The following SNED1 variants were observed in gnomAD, a reference collection of about 807,000 sequenced individuals.
SNED1 encodes the protein sushi, nidogen and EGF-like domain-containing protein 1.
Under a neutral mutation model 166.7 loss-of-function variants are expected in SNED1, and 81 were observed. The ratio of observed to expected loss-of-function variants is 0.49; its 90% CI spans 0.41 to 0.58. The LOEUF is 0.58. Ranked by LOEUF, SNED1 falls within the 20% of genes least tolerant of loss-of-function variation. The probability of loss-of-function intolerance (pLI) is 0.00; values close to 1 mark genes in which losing one functional copy is unlikely to be tolerated. For synonymous variants in SNED1, 762 were observed against 822.0 expected, an observed-to-expected ratio of 0.93 and a Z score of 1.25; for missense variants, 1,604 against 2,000.2, an observed-to-expected ratio of 0.80 and a Z score of 3.78.
intron 8 of SNED1, among the ~76,000 whole-genome samples, chr2:241,042,595 A>G (rs1028177804): frequency 3.3e-5 from 5 of 152,262 alleles, no homozygotes; most frequent in African/African-American, 1.2e-4. Context: ...ATTAGCAGAT[A>G]CAAATGTTTA....
At chr2:241,011,967 CTG>C (rs947416483) in intron 1 of SNED1, among the ~76,000 whole-genome samples, 1 of 152,214 alleles carries the variant, frequency 6.6e-6, no homozygotes, top group Admixed American at 6.5e-5. Flanking sequence ...CAGCAGCTCT[CTG>C]GGGTGGGGAG....
intron 27 of SNED1, among the ~76,000 whole-genome samples, chr2:241,080,477 C>A (rs2063278158): frequency 6.6e-6 from 1 of 152,134 alleles, no homozygotes; most frequent in African/African-American, 2.4e-5. Flanking sequence ...AGATCTCGTT[C>A]TCACCAAGAA....
At chr2:241,009,480 C>G (rs1238675215) in intron 1 of SNED1, among the ~76,000 whole-genome samples, 2 of 152,040 alleles carry the variant, frequency 1.3e-5, no homozygotes, top group African/African-American at 4.8e-5. Context: ...GCTGTCAACA[C>G]AAGGAAGCAG....
intron 1 of SNED1, among the ~76,000 whole-genome samples, chr2:241,003,698 C>T: frequency 6.6e-6 from 1 of 152,202 alleles, no homozygotes; most frequent in East Asian, 1.9e-4. Context: ...TGCTGGGCCC[C>T]ATAAGGAAAG....
chr2:241,040,749 C>CTGGGT, intron 8 of SNED1: 1 of 474,446 alleles, frequency 2.1e-6, no homozygotes, highest in Non-Finnish European at 4.2e-6. Flanking sequence ...CTCTTCCAGC[C>CTGGGT]TGGGTGACTC....
In SNED1 at chr2:241,018,416, A is replaced by G. The variant is rs1224835431; in HGVS notation, c.214-11868A>G. 1.3e-5 allele frequency among the ~76,000 whole-genome samples: 2 copies of G among 152,168 alleles called. No homozygotes were observed. The highest frequency in any genetic ancestry group is 4.8e-5 in the African/African-American group (2 of 41,432). On this transcript the variant is annotated intron_variant, in intron 1 of 31. Transcript: ENST00000310397. The surrounding 1 kb of genome is among the most constrained non-coding windows in gnomAD (Gnocchi z 5.4). ...AGCAGTAGCCTGACTCAGGCAGGCC[A>G]TGAGGCACCTTGCCAGGTGCTGGAT...
chr2:241,012,831 T>G (rs554791230), intron 1 of SNED1, among the ~76,000 whole-genome samples: 25 of 151,580 alleles, frequency 1.6e-4, no homozygotes, highest in Admixed American at 1.2e-3. Flanking sequence ...TTTTCTTTTT[T>G]TTTTTTTTTT....
chr2:241,089,284 T>C (rs1039801583), intron 31 of SNED1: 2 of 1,548,238 alleles, frequency 1.3e-6, no homozygotes, highest in Non-Finnish European at 1.7e-6. Flanking sequence ...GCCCTCACAG[T>C]TCATCTTCCT....
chr2:241,092,254 G>A lies in SNED1; in HGVS notation c.*618G>A, dbSNP rs889509741. 6.6e-6 allele frequency: 1 copy of A among 152,232 alleles called. No individual in the cohort carries two copies. Among genetic ancestry groups the A allele is most frequent in the African/African-American group, 2.4e-5 (1 of 41,444 alleles). 9.4% of individuals were successfully genotyped at this position (152,232 alleles called of 1,614,324 possible). On this transcript the variant is annotated 3_prime_UTR_variant, in exon 32 of 32. Coordinates refer to ENST00000310397, the MANE Select transcript of SNED1 (RefSeq NM_001080437.3). The surrounding 1 kb of genome is among the most constrained non-coding windows in gnomAD (Gnocchi z 4.6). ...ATGGACTAGTTAACACTAAGGTGGAGTTCAGACTTTTTTAGACAACGGCGC... is the reference window on the plus strand; with the variant it reads ...ATGGACTAGTTAACACTAAGGTGGAATTCAGACTTTTTTAGACAACGGCGC...
intron 8 of SNED1, among the ~76,000 whole-genome samples, chr2:241,047,879 G>C (rs752912957): frequency 3.3e-5 from 5 of 151,854 alleles, no homozygotes; most frequent in South Asian, 2.1e-4. Context: ...GGTGCTTCTT[G>C]TTCTGTCCAA....
chr2:241,051,646 C>A lies in SNED1; in HGVS notation c.1736-98C>A. On this transcript the variant is annotated intron_variant, in intron 12 of 31. Coordinates refer to ENST00000310397, the MANE Select transcript of SNED1 (RefSeq NM_001080437.3). The surrounding 1 kb of genome is among the most constrained non-coding windows in gnomAD (Gnocchi z 4.7). Reference sequence around the variant, plus strand: ...CCAGGGCTTCGTCGAGAAGGCCCCACCAGCACCAGAGGACTGAGGAGATGC... The same window carrying A: ...CCAGGGCTTCGTCGAGAAGGCCCCAACAGCACCAGAGGACTGAGGAGATGC... The A allele has an allele frequency of 1.0e-6, 1 of 993,608 alleles. No individual in the cohort carries two copies. The highest frequency in any genetic ancestry group is 1.4e-6 in the Non-Finnish European group (1 of 706,278). The allele number at this position is 993,608 out of a possible 1,614,324, so 61.5% of individuals were successfully genotyped here. A position where few individuals can be genotyped will look rare whatever the true frequency, so the allele number is the denominator to read the frequency against.
intron 27 of SNED1, among the ~76,000 whole-genome samples, chr2:241,078,382 C>CA (rs60965517): frequency 0.033 from 3,829 of 116,112 alleles, 224 homozygotes; most frequent in African/African-American, 0.12. Flanking sequence ...GACTCCGTCT[C>CA]AAAAAAAAAA....
At chr2:241,016,342 C>T (rs2060590963) in intron 1 of SNED1, among the ~76,000 whole-genome samples, 1 of 151,848 alleles carries the variant, frequency 6.6e-6, no homozygotes, top group South Asian at 2.1e-4. Flanking sequence ...ACCACAGGCA[C>T]CCACCACCTT....
intron 11 of SNED1, 52 bp from the exon 12 acceptor site, chr2:241,049,765 C>T (rs2061772180): frequency 6.9e-7 from 1 of 1,444,084 alleles, no homozygotes; most frequent in South Asian, 1.1e-5. Context: ...CTCTTGCCGC[C>T]CGCACAGATG....
chr2:241,069,072 A>C lies in SNED1; in HGVS notation c.3307+49A>C. 1 of 1,324,384 alleles carries C rather than the reference A, an allele frequency of 7.6e-7. No individual in the cohort carries two copies. The highest frequency in any genetic ancestry group is 1.0e-6 in the Non-Finnish European group (1 of 955,778). 82.0% of individuals were successfully genotyped at this position (1,324,384 alleles called of 1,614,324 possible). A position where few individuals can be genotyped will look rare whatever the true frequency, so the allele number is the denominator to read the frequency against. ...GGCACACGAAAGGCCGTCTTCTAGA[A>C]GCTCTGGCTTCCTTCCAGCCTCCCC... On this transcript the variant is annotated intron_variant, in intron 23 of 31. Coordinates refer to ENST00000310397, the MANE Select transcript of SNED1 (RefSeq NM_001080437.3). This position sits in a 1 kb window ranked among gnomAD's most constrained non-coding sequence, Gnocchi z 4.9.
At chr2:241,065,017 G>A (rs937356086) in intron 20 of SNED1, 60 bp downstream of exon 20, 2 of 1,301,690 alleles carry the variant, frequency 1.5e-6, no homozygotes, top group Non-Finnish European at 2.1e-6. Flanking sequence ...TCCCTAGAGG[G>A]CCCAACGGTC....
Position 241,013,499 on chromosome 2 carries a change from A to G in SNED1, c.213+14449A>G, listed in dbSNP as rs896039117. On this transcript the variant is annotated intron_variant, in intron 1 of 31. Transcript: ENST00000310397. This position sits in a 1 kb window ranked among gnomAD's most constrained non-coding sequence, Gnocchi z 4.6. ...GGCACGCACCACCACCTCCAGCTAT[A>G]TTTTTTTATTTTTCTTTTTTTGTAG... 6.6e-6 allele frequency among the ~76,000 whole-genome samples: 1 copy of G among 151,546 alleles called. No individual in the cohort carries two copies. The highest frequency in any genetic ancestry group is 2.4e-5 in the African/African-American group (1 of 41,198).
In SNED1 at chr2:241,073,316, G is replaced by A. The variant is rs762573933; in HGVS notation, c.3868G>A (p.Val1290Ile). Residue 1290 changes from valine to isoleucine, a missense_variant, in exon 27 of 32, where the codon GTC (valine) becomes ATC (isoleucine). By Grantham distance (29) the Val-to-Ile change is conservative. Coordinates refer to ENST00000310397, the MANE Select transcript of SNED1 (RefSeq NM_001080437.3). The surrounding 1 kb of genome is among the most constrained non-coding windows in gnomAD (Gnocchi z 6.6). ...GAACATGGAGGAAGCCCCCAAGCGG[G>A]TCAGCCTGGCCCTCCAGCTCCCTGA... ...LENMEEAPKRVSLALQLPEHG... is the reference protein window; with the variant it reads ...LENMEEAPKRISLALQLPEHG... The A allele has an allele frequency of 1.1e-5, 17 of 1,574,228 alleles. No homozygotes were observed. In the South Asian group the frequency reaches 1.9e-4, roughly 17 times the overall value.
At chr2:241,050,315 G>A (rs140981458) in intron 12 of SNED1, among the ~76,000 whole-genome samples, 54 of 152,292 alleles carry the variant, frequency 3.5e-4, no homozygotes, top group African/African-American at 1.1e-3. Context: ...CTTGAGAATA[G>A]AAGTGTCCTT....
Sources: gnomAD v4.1 joint callset for allele counts (sites outside exome capture counted in the v4.1 genomes callset) on GRCh38, gnomAD v4.1.1 for gene constraint, Gnocchi (gnomAD v3.1) non-coding constraint, MANE v1.5 for transcripts, NCBI Gene and HGNC (gene_info 2026-07-23, HGNC 2026-07-21) for gene names.